The following CNTN3 variants were observed in gnomAD, a reference collection of about 807,000 sequenced individuals.
The protein encoded by CNTN3 is contactin-3.
CNTN3 carries 60 observed loss-of-function variants against 119.1 expected under a neutral mutation model. The ratio of observed to expected loss-of-function variants is 0.50; its 90% CI spans 0.41 to 0.62. CNTN3 has a LOEUF of 0.62. Among genes scored for constraint, CNTN3 ranks in the 20% least tolerant of loss-of-function variants. The probability of loss-of-function intolerance (pLI) is 0.00; values close to 1 mark genes in which losing one functional copy is unlikely to be tolerated. For missense variants in CNTN3, 1,101 were observed against 1,242.4 expected, an observed-to-expected ratio of 0.89 and a Z score of 1.71; for synonymous variants, 450 against 438.7, an observed-to-expected ratio of 1.03 and a Z score of -0.32.
intron 4 of CNTN3, among the ~76,000 whole-genome samples, chr3:74,440,990 T>C (rs9310296): frequency 0.68 from 103,172 of 152,022 alleles, 35,184 homozygotes; most frequent in East Asian, 0.73. Flanking sequence ...CAATCCCCCA[T>C]GGACACCTAA....
At chr3:74,331,538 A>T (rs553165423) in intron 13 of CNTN3, among the ~76,000 whole-genome samples, 2 of 152,164 alleles carry the variant, frequency 1.3e-5, no homozygotes, top group African/African-American at 4.8e-5. Context: ...AGACCAAAAA[A>T]TTACGTGACT....
chr3:74,306,124 A>T (rs981785888), intron 13 of CNTN3, among the ~76,000 whole-genome samples: 1 of 151,732 alleles, frequency 6.6e-6, no homozygotes. Flanking sequence ...ACTTATGTCA[A>T]ACTAATTCTT....
At chr3:74,446,664 A>C (rs1243738090) in intron 4 of CNTN3, among the ~76,000 whole-genome samples, 1 of 143,926 alleles carries the variant, frequency 6.9e-6, no homozygotes, top group East Asian at 2.1e-4. Flanking sequence ...AAAATATATT[A>C]TTCAAGTTAA....
chr3:74,364,366 G>A (rs1704141623), intron 10 of CNTN3, 101 bp downstream of exon 10: 6 of 1,076,424 alleles, frequency 5.6e-6, no homozygotes, highest in Non-Finnish European at 6.7e-6. Context: ...GATATTATTA[G>A]ATGTAGGAAC....
chr3:74,270,353 C>G (rs1005098159), intron 20 of CNTN3, among the ~76,000 whole-genome samples: 29 of 152,312 alleles, frequency 1.9e-4, no homozygotes, highest in African/African-American at 7.0e-4. Flanking sequence ...TCTCTTTTCT[C>G]TTTGCCATGA....
Position 74,267,265 on chromosome 3 carries a change from C to G in CNTN3, c.2817+1G>C. 6.3e-7 allele frequency: 1 copy of G among 1,598,574 alleles called. No homozygotes were observed. Among genetic ancestry groups the G allele is most frequent in the Non-Finnish European group, 8.6e-7 (1 of 1,166,440 alleles). ...GAAGCATTGCAAATGAGAAAACTTA[C>G]TTTATATCCTGTTACTTCTGACTCA... is the stretch of plus-strand genomic sequence containing the variant. On this transcript the variant is annotated splice_donor_variant, in intron 21 of 22. Coordinates refer to ENST00000263665, the MANE Select transcript of CNTN3 (RefSeq NM_020872.3). LOFTEE classifies it high-confidence loss of function.
chr3:74,474,194 G>A (rs1451331245), intron 4 of CNTN3, among the ~76,000 whole-genome samples: 1 of 152,124 alleles, frequency 6.6e-6, no homozygotes, highest in Admixed American at 6.5e-5. Context: ...ATATTTTGAA[G>A]ATAAATGCAA....
intron 2 of CNTN3, among the ~76,000 whole-genome samples, chr3:74,517,146 G>C (rs1375733578): frequency 2.6e-5 from 4 of 151,868 alleles, no homozygotes; most frequent in African/African-American, 9.7e-5. Context: ...CTAGGAGAGG[G>C]ACCTGTAACC....
At chr3:74,337,194 A>T (rs1703415874) in intron 11 of CNTN3, among the ~76,000 whole-genome samples, 1 of 152,160 alleles carries the variant, frequency 6.6e-6, no homozygotes, top group African/African-American at 2.4e-5. Context: ...AGCTCATGAA[A>T]AGAGCCTAGG....
chr3:74,561,367 T>C (rs1559658654), intron 1 of CNTN3, among the ~76,000 whole-genome samples: 1 of 152,086 alleles, frequency 6.6e-6, no homozygotes, highest in Non-Finnish European at 1.5e-5. Context: ...AATAAAATTC[T>C]GCCTGCAAGA....
At chr3:74,279,211 A>G (rs1701944127) in intron 20 of CNTN3, among the ~76,000 whole-genome samples, 1 of 152,204 alleles carries the variant, frequency 6.6e-6, no homozygotes, top group Admixed American at 6.5e-5. Context: ...AGATTCCTTA[A>G]TGAACAAAAG....
chr3:74,396,948 C>T (rs1257059895), intron 5 of CNTN3, among the ~76,000 whole-genome samples: 2 of 152,140 alleles, frequency 1.3e-5, no homozygotes, highest in African/African-American at 2.4e-5. Flanking sequence ...GATGGCTACA[C>T]TAAACAGCAG....
intron 11 of CNTN3, among the ~76,000 whole-genome samples, chr3:74,353,270 T>C (rs1703856975): frequency 6.6e-6 from 1 of 152,164 alleles, no homozygotes; most frequent in African/African-American, 2.4e-5. Flanking sequence ...TGCTAAGTGG[T>C]CTTGGCTCTG....
chr3:74,295,546 C>A (rs1702321195), intron 18 of CNTN3, among the ~76,000 whole-genome samples: 1 of 152,102 alleles, frequency 6.6e-6, no homozygotes, highest in African/African-American at 2.4e-5. Flanking sequence ...GTCCTTATTT[C>A]CTTCCCTTCA....
chr3:74,351,201 A>G (rs1325713783), intron 11 of CNTN3, among the ~76,000 whole-genome samples: 2 of 152,234 alleles, frequency 1.3e-5, no homozygotes, highest in African/African-American at 4.8e-5. Context: ...TACACACATT[A>G]TTCTGATCTT....
Position 74,267,367 on chromosome 3 carries a change from G to T in CNTN3, c.2716C>A (p.Pro906Thr). The T allele has an allele frequency of 6.2e-7, 1 of 1,610,976 alleles. No individual in the cohort carries two copies. The highest frequency in any genetic ancestry group is 1.7e-4 in the Middle Eastern group (1 of 6,050). The change falls in exon 21 of 23, where the codon CCA (proline) becomes ACA (threonine). Residue 906 changes from proline to threonine, a missense_variant. Physicochemically the swap from Pro to Thr is conservative, Grantham distance 38 (BLOSUM62 -1). Coordinates refer to ENST00000263665, the MANE Select transcript of CNTN3 (RefSeq NM_020872.3). ...VTTKKTPPSQ[P>T]PGNVVWNATD... is the part of the protein sequence containing the mutation. The stretch of plus-strand genomic sequence containing the variant: ...GCATTCCAAACAACATTTCCTGGTG[G>T]CTGACTGGGAGCTTGAAATGCAAAA...
At chr3:74,305,300 C>T (rs1702539622) in intron 13 of CNTN3, among the ~76,000 whole-genome samples, 2 of 152,102 alleles carry the variant, frequency 1.3e-5, no homozygotes, top group Non-Finnish European at 1.5e-5. Flanking sequence ...ACTCTTATTG[C>T]TGAAAGGAGT....
intron 11 of CNTN3, among the ~76,000 whole-genome samples, chr3:74,358,430 T>C (rs1343878123): frequency 6.6e-6 from 1 of 151,258 alleles, no homozygotes; most frequent in Non-Finnish European, 1.5e-5. Context: ...ATTGGGTGCA[T>C]TCCCGTCCAT....
chr3:74,278,279 G>A (rs1403284616), intron 20 of CNTN3, among the ~76,000 whole-genome samples: 2 of 151,734 alleles, frequency 1.3e-5, no homozygotes, highest in Non-Finnish European at 2.9e-5. Context: ...AATTCATATA[G>A]AATCAAAAAA....
Sources: allele counts gnomAD v4.1 joint callset (sites outside exome capture counted in the v4.1 genomes callset), GRCh38; gene constraint gnomAD v4.1.1; transcripts MANE v1.5; gene names NCBI Gene and HGNC (gene_info 2026-07-23, HGNC 2026-07-21).